Variants in GRIN2B observed in about 807,000 individuals in gnomAD.
GRIN2B encodes glutamate ionotropic receptor NMDA type subunit 2B.
In GRIN2B, 5 loss-of-function variants were observed where a neutral mutation model predicts 114.5. The observed-to-expected ratio is 0.04, with a 90% CI of 0.02 to 0.09. The LOEUF (loss-of-function observed/expected upper bound fraction) is 0.09, where lower values mean the gene tolerates loss of function less well. Ranked by LOEUF, GRIN2B falls within the 10% of genes least tolerant of loss-of-function variation. The pLI is 1.00. For missense variants in GRIN2B, 1,108 were observed against 1,943.5 expected (o/e 0.57, Z 8.08); for synonymous variants, 787 against 745.1 (o/e 1.06, Z -0.92).
intron 4 of GRIN2B, among the ~76,000 whole-genome samples, chr12:13,744,402 C>A (rs534102102): frequency 5.8e-4 from 89 of 152,312 alleles, no homozygotes; most frequent in Middle Eastern, 3.4e-3. Flanking sequence ...ATGAGGAATA[C>A]ATGCACACAT....
intron 3 of GRIN2B, among the ~76,000 whole-genome samples, chr12:13,756,147 C>G: frequency 6.6e-6 from 1 of 152,098 alleles, no homozygotes; most frequent in Non-Finnish European, 1.5e-5. Context: ...TCCCGAGTAG[C>G]TGGGATTACA....
intron 2 of GRIN2B, among the ~76,000 whole-genome samples, chr12:13,972,120 A>G (rs1438787487): frequency 6.6e-6 from 1 of 152,160 alleles, no homozygotes; most frequent in African/African-American, 2.4e-5. Flanking sequence ...TCCTGCAGGG[A>G]AGTTTTTTAA....
At chr12:13,886,162 T>G (rs1866153059) in intron 2 of GRIN2B, among the ~76,000 whole-genome samples, 1 of 152,196 alleles carries the variant, frequency 6.6e-6, no homozygotes, top group Non-Finnish European at 1.5e-5. Context: ...ATAGACCAGA[T>G]CAGTTCACAC....
chr12:13,649,304 C>T (rs1484115540), intron 5 of GRIN2B, among the ~76,000 whole-genome samples: 1 of 151,974 alleles, frequency 6.6e-6, no homozygotes, highest in Non-Finnish European at 1.5e-5. Context: ...CCTTATTTTC[C>T]TTGAGTGTTT....
At chr12:13,820,723 T>C (rs1403591804) in intron 3 of GRIN2B, among the ~76,000 whole-genome samples, 2 of 152,314 alleles carry the variant, frequency 1.3e-5, no homozygotes, top group Middle Eastern at 3.4e-3. Context: ...GGTTGCTAAA[T>C]GCTATCCATT....
Position 13,537,505 on chromosome 12 carries a change from G to A in GRIN2B, c.*25278C>T, listed in dbSNP as rs1948227242. 1 of 152,148 alleles carries A rather than the reference G, an allele frequency of 6.6e-6. No homozygotes were observed. The highest frequency in any genetic ancestry group is 1.5e-5 in the Non-Finnish European group (1 of 68,046). 9.4% of individuals were successfully genotyped at this position (152,148 alleles called of 1,614,324 possible). ...CATTCTTCAGCTCCAAATGGAAGAG[G>A]AAAGAGGTCCTGGAGTTCCAAAGGG... On this transcript the variant is annotated 3_prime_UTR_variant, in exon 14 of 14. Transcript: ENST00000609686.
chr12:13,583,736 A>C (rs1168295388), intron 10 of GRIN2B, among the ~76,000 whole-genome samples: 1 of 152,144 alleles, frequency 6.6e-6, no homozygotes, highest in Non-Finnish European at 1.5e-5. Flanking sequence ...GTGATGGGGC[A>C]AGCGAAATAG....
In GRIN2B at chr12:13,563,702, A is replaced by C. The variant is rs767870767; in HGVS notation, c.3536T>G (p.Ile1179Ser). Reference protein sequence around the residue: ...GGGPCTNRSHIKHGTGDKHGV... With the variant: ...GGGPCTNRSHSKHGTGDKHGV... ...GTGTTTGTCGCCCGTCCCGTGCTTG[A>C]TGTGAGACCTGTTGGTACAGGGCCC... The change falls in exon 14 of 14, where the codon ATC becomes AGC. Residue 1179 changes from isoleucine (I) to serine (S), a missense_variant. This residue lies in a region of GRIN2B where 478 missense variants were observed against 506.0 expected (regional missense o/e 0.94). Transcript: ENST00000609686. 1.2e-6 allele frequency: 2 copies of C among 1,613,640 alleles called. No homozygotes were observed. The highest frequency in any genetic ancestry group is 1.7e-6 in the Non-Finnish European group (2 of 1,179,952).
chr12:13,809,380 T>C (rs1028204441), intron 3 of GRIN2B, among the ~76,000 whole-genome samples: 7 of 152,194 alleles, frequency 4.6e-5, no homozygotes, highest in Admixed American at 4.6e-4. Flanking sequence ...ACTAAGACAG[T>C]TCATCTCTGT....
At chr12:13,764,120 T>A (rs921168413) in intron 3 of GRIN2B, among the ~76,000 whole-genome samples, 4 of 151,836 alleles carry the variant, frequency 2.6e-5, no homozygotes, top group African/African-American at 7.3e-5. Context: ...GAAAACTACT[T>A]TTCTAACCAC....
intron 2 of GRIN2B, among the ~76,000 whole-genome samples, chr12:13,978,533 T>G (rs1158643453): frequency 6.6e-6 from 1 of 152,230 alleles, no homozygotes; most frequent in Non-Finnish European, 1.5e-5. Context: ...ATCTTTCACC[T>G]CTTCCCCACA....
intron 10 of GRIN2B, among the ~76,000 whole-genome samples, chr12:13,590,012 G>A (rs1340018055): frequency 6.6e-6 from 1 of 151,998 alleles, no homozygotes; most frequent in African/African-American, 2.4e-5. Context: ...TAGTCAAAAT[G>A]GGTATTAATT....
At chr12:13,839,058 A>T (rs1865332391) in intron 3 of GRIN2B, among the ~76,000 whole-genome samples, 1 of 150,488 alleles carries the variant, frequency 6.6e-6, no homozygotes, top group East Asian at 2.0e-4. Flanking sequence ...AACACATGGC[A>T]AAAGAGGTGC....
chr12:13,766,486 TG>T (rs1306124742), intron 3 of GRIN2B, among the ~76,000 whole-genome samples: 2 of 152,224 alleles, frequency 1.3e-5, no homozygotes, highest in Admixed American at 6.5e-5. Flanking sequence ...CACTGGGCCT[TG>T]AACTGTTCCT....
intron 3 of GRIN2B, among the ~76,000 whole-genome samples, chr12:13,806,448 T>C (rs893295615): frequency 1.3e-5 from 2 of 152,216 alleles, no homozygotes; most frequent in Non-Finnish European, 2.9e-5. Flanking sequence ...ACATTGTGAT[T>C]CTGATTTGCA....
At chr12:13,833,162 C>T (rs1421355841) in intron 3 of GRIN2B, among the ~76,000 whole-genome samples, 3 of 152,074 alleles carry the variant, frequency 2.0e-5, no homozygotes, top group Non-Finnish European at 4.4e-5. Flanking sequence ...ATTATCATCC[C>T]CTGAACTGAA....
chr12:13,759,845 T>A (rs548016012), intron 3 of GRIN2B, among the ~76,000 whole-genome samples: 3 of 152,338 alleles, frequency 2.0e-5, no homozygotes, highest in African/African-American at 7.2e-5. Flanking sequence ...TTGATTTTGA[T>A]CCCATATTGG....
chr12:13,644,379 C>T (rs904909056), intron 5 of GRIN2B, among the ~76,000 whole-genome samples: 3 of 152,218 alleles, frequency 2.0e-5, no homozygotes, highest in South Asian at 2.1e-4. Context: ...TTAAAATATT[C>T]GGTAAATCAT....
intron 2 of GRIN2B, among the ~76,000 whole-genome samples, chr12:13,920,991 C>T (rs1166934774): frequency 6.6e-6 from 1 of 152,140 alleles, no homozygotes; most frequent in Non-Finnish European, 1.5e-5. Context: ...AAAACCCTAA[C>T]AAAGCACAGT....
Sources: allele counts gnomAD v4.1 joint callset (sites outside exome capture counted in the v4.1 genomes callset), GRCh38; gene constraint gnomAD v4.1.1; regional missense constraint gnomAD v4.1.1; transcripts MANE v1.5; gene names NCBI Gene and HGNC (gene_info 2026-07-23, HGNC 2026-07-21).